ZNF107: variants seen among roughly 807,000 people sequenced by gnomAD.
ZNF107 encodes C2H2 type zinc-finger protein.
Under a neutral mutation model 12.3 loss-of-function variants are expected in ZNF107, and 19 were observed. The ratio of observed to expected loss-of-function variants is 1.55; its 90% CI spans 1.08 to 2.27. ZNF107 has a LOEUF of 2.27. ZNF107 is among the 30% of genes most tolerant of loss of function. ZNF107 has a pLI of 0.00. For synonymous variants in ZNF107, 317 were observed against 330.5 expected (o/e 0.96, Z 0.44); for missense variants, 958 against 979.9 (o/e 0.98, Z 0.30).
intron 1 of ZNF107, among the ~76,000 whole-genome samples, chr7:64,681,445 A>T (rs1416488987): frequency 1.3e-5 from 2 of 151,518 alleles, no homozygotes; most frequent in African/African-American, 2.4e-5. Flanking sequence ...GAGGCATCCT[A>T]ACAAAACTGT....
chr7:64,707,671 C>A lies in ZNF107; in HGVS notation c.1574C>A (p.Thr525Asn). The change falls in exon 4 of 4, where the codon ACT becomes AAT. Residue 525 changes from threonine to asparagine, a missense_variant. Transcript: ENST00000620827. ...GCTTTTAGCCAGTCTTCAAACCTTA[C>A]TGAACATAAGAAAATTCATACTGGA... The part of the protein sequence containing the change: ...DRAFSQSSNL[T>N]EHKKIHTGEK... 1 of 1,612,532 alleles carries A rather than the reference C, an allele frequency of 6.2e-7. No homozygotes were observed.
rs747136604 is a variant in ZNF107, at chr7:64,707,541, A to G, written c.1444A>G (p.Lys482Glu). The G allele has an allele frequency of 1.2e-6, 2 of 1,613,290 alleles. No individual in the cohort carries two copies. Among genetic ancestry groups the G allele is most frequent in the Admixed American group, 1.7e-5 (1 of 59,964 alleles). Residue 482 changes from lysine (K) to glutamate (E), a missense_variant, in exon 4 of 4, where the codon AAA becomes GAA. Coordinates refer to ENST00000620827, the MANE Select transcript of ZNF107 (RefSeq NM_001282359.2). Reference sequence around the variant, plus strand: ...AATTTATTCTGGAGAGAAACCATACAAATGTGAAGAATGTGGAAAAGCTTT... The same window carrying G: ...AATTTATTCTGGAGAGAAACCATACGAATGTGAAGAATGTGGAAAAGCTTT... The part of the protein sequence containing the change: ...RKIYSGEKPY[K>E]CEECGKAFNR...
At position 64,710,180 on chromosome 7, in the gene ZNF107, AC is replaced by A. The variant is rs1790839236; in HGVS notation, c.*1525del. 1 of 157,280 alleles carries A rather than the reference AC, an allele frequency of 6.4e-6. No homozygotes were observed. 9.7% of individuals were successfully genotyped at this position (157,280 alleles called of 1,614,324 possible). A position where few individuals can be genotyped will look rare whatever the true frequency, so the allele number is the denominator to read the frequency against. Reference sequence around the variant, plus strand: ...CATTGTGAGGACAAACAATACAAATACGAAGAGGGTTGTAGTACCTTTACTT... The same window carrying A: ...CATTGTGAGGACAAACAATACAAATAGAAGAGGGTTGTAGTACCTTTACTT... On this transcript the variant is annotated 3_prime_UTR_variant, in exon 4 of 4. Transcript: ENST00000620827.
At position 64,710,395 on chromosome 7, in the gene ZNF107, C is replaced by A. The variant is rs1790846243; in HGVS notation, c.*1739C>A. The A allele has an allele frequency of 6.6e-6, 1 of 151,948 alleles. No individual in the cohort carries two copies. The highest frequency in any genetic ancestry group is 1.5e-5 in the Non-Finnish European group (1 of 67,976). 9.4% of individuals were successfully genotyped at this position (151,948 alleles called of 1,614,324 possible). On this transcript the variant is annotated 3_prime_UTR_variant, in exon 4 of 4. Transcript: ENST00000620827. ...GGCCTCATACTAAAATATATTTTTG[C>A]AAGTGAAGTAAATATAAAAATAATT...
Position 64,708,320 on chromosome 7 carries a change from T to C in ZNF107, c.2223T>C (p.Ala741=), listed in dbSNP as rs570717041. The C allele has an allele frequency of 2.0e-5, 32 of 1,613,158 alleles. 1 individual carries two copies. The African/African-American group carries it at 3.3e-4, about 17-fold the overall frequency. The stretch of plus-strand genomic sequence containing the variant: ...ACAAATGTAAAGAATGTGGCAAAGC[T>C]TTTAACCTATCCTCAACCCTTACTG... ...KPYKCKECGK[A]FNLSSTLTAH... Residue 741 remains alanine, a synonymous_variant, in exon 4 of 4, where the codon GCT becomes GCC. Coordinates refer to ENST00000620827, the MANE Select transcript of ZNF107 (RefSeq NM_001282359.2).
chr7:64,678,236 G>C (rs991120566), intron 1 of ZNF107, among the ~76,000 whole-genome samples: 1 of 152,174 alleles, frequency 6.6e-6, no homozygotes, highest in African/African-American at 2.4e-5. Flanking sequence ...GCACACAAAA[G>C]TTGAGCACAA....
At position 64,691,324 on chromosome 7, in the gene ZNF107, A is replaced by G; in HGVS notation, c.80A>G (p.Asp27Gly). ...EWQCLDTAQR[D>G]LYRNVLLENY... ...CAATGCCTGGATACTGCACAGCGGG[A>G]TTTATATAGGAATGTGTTGTTAGAG... Residue 27 changes from aspartate to glycine, a missense_variant, in exon 2 of 4, where the codon GAT becomes GGT. Physicochemically the swap from Asp to Gly is moderately conservative, Grantham distance 94 (BLOSUM62 -1). Transcript: ENST00000620827. 2 of 1,542,744 alleles carry G rather than the reference A, an allele frequency of 1.3e-6. No homozygotes were observed. Among genetic ancestry groups the G allele is most frequent in the Admixed American group, 2.0e-5 (1 of 50,416 alleles).
chr7:64,686,009 T>C (rs1463789175), intron 1 of ZNF107, among the ~76,000 whole-genome samples: 1 of 152,122 alleles, frequency 6.6e-6, no homozygotes, highest in Non-Finnish European at 1.5e-5. Context: ...TCAAAGGATC[T>C]CTCAGACAGC....
intron 3 of ZNF107, among the ~76,000 whole-genome samples, chr7:64,693,707 T>C (rs1287323103): frequency 1.3e-5 from 2 of 152,198 alleles, no homozygotes; most frequent in African/African-American, 4.8e-5. Flanking sequence ...GGTCTGCATA[T>C]GGTAGGCCTT....
At chr7:64,691,200 G>A in intron 1 of ZNF107, 48 bp from the exon 2 acceptor site, 1 of 1,364,102 alleles carries the variant, frequency 7.3e-7, no homozygotes, top group Non-Finnish European at 9.5e-7. Context: ...AAAATTCAAT[G>A]ACAGCTTATG....
At position 64,707,267 on chromosome 7, in the gene ZNF107, T is replaced by C; in HGVS notation, c.1170T>C (p.Ile390=). 6.2e-7 allele frequency: 1 copy of C among 1,613,158 alleles called. No homozygotes were observed. Among genetic ancestry groups the C allele is most frequent in the Non-Finnish European group, 8.5e-7 (1 of 1,179,706 alleles). ...TAAAACTTACTGCACATAAGAAAAT[T>C]CTAATGGAAGAGAAACCCTACAAAT... ...RSLKLTAHKK[I]LMEEKPYKCE... is the part of the protein sequence containing the mutation. Residue 390 remains isoleucine, a synonymous_variant, in exon 4 of 4, where the codon ATT becomes ATC. Transcript: ENST00000620827.
intron 3 of ZNF107, among the ~76,000 whole-genome samples, chr7:64,698,806 TTTG>T (rs1269893009): frequency 3.0e-4 from 45 of 152,302 alleles, no homozygotes; most frequent in Admixed American, 1.2e-3. Flanking sequence ...TTCTAAGAGA[TTTG>T]TTATTTTTTA....
intron 3 of ZNF107, among the ~76,000 whole-genome samples, chr7:64,696,803 A>T (rs1790303324): frequency 6.6e-6 from 1 of 151,882 alleles, no homozygotes; most frequent in Admixed American, 6.6e-5. Flanking sequence ...ATGTGACAAG[A>T]TTTATTTATT....
rs1190492480 is a variant in ZNF107, at chr7:64,711,423, A to G, written c.*2767A>G. 1 of 152,174 alleles carries G rather than the reference A, an allele frequency of 6.6e-6. No homozygotes were observed. The highest frequency in any genetic ancestry group is 6.5e-5 in the Admixed American group (1 of 15,278). 9.4% of individuals were successfully genotyped at this position (152,174 alleles called of 1,614,324 possible). On this transcript the variant is annotated 3_prime_UTR_variant, in exon 4 of 4. Transcript: ENST00000620827. ...AAAAGATGTATCCATCAACTCCAGC[A>G]TTTCTCCTTTGTATTACAAACCAAT...
At chr7:64,699,056 C>T (rs1790386032) in intron 3 of ZNF107, among the ~76,000 whole-genome samples, 1 of 151,930 alleles carries the variant, frequency 6.6e-6, no homozygotes, top group African/African-American at 2.4e-5. Flanking sequence ...TGTGTCAGTA[C>T]CACATTGTTT....
intron 1 of ZNF107, among the ~76,000 whole-genome samples, chr7:64,666,882 G>A (rs1282072148): frequency 6.9e-6 from 1 of 144,410 alleles, no homozygotes; most frequent in Non-Finnish European, 1.5e-5. Context: ...TAATTGGTTA[G>A]GTAGAGTTAC....
chr7:64,707,085 A>T lies in ZNF107; in HGVS notation c.988A>T (p.Asn330Tyr). ...TTTTAACCTATTCTCAAATCTTACT[A>T]ACCATAAGAGAATTCATGCTGGGGA... The part of the protein sequence containing the change: ...KAFNLFSNLT[N>Y]HKRIHAGEKP... Residue 330 changes from asparagine to tyrosine, a missense_variant, in exon 4 of 4, where the codon AAC (asparagine) becomes TAC (tyrosine). Asn to Tyr is a moderately radical substitution (Grantham distance 143). Transcript: ENST00000620827. 6.2e-7 allele frequency: 1 copy of T among 1,611,830 alleles called. No homozygotes were observed. The highest frequency in any genetic ancestry group is 8.5e-7 in the Non-Finnish European group (1 of 1,179,348).
chr7:64,697,038 G>T (rs907696927), intron 3 of ZNF107, among the ~76,000 whole-genome samples: 8 of 149,886 alleles, frequency 5.3e-5, no homozygotes, highest in African/African-American at 1.2e-4. Context: ...TCATTGTTCA[G>T]TTCCCACCTA....
rs148922034 is a variant in ZNF107, at chr7:64,692,722, G to GTT, written c.226+764_226+765dup. ...ATTGTAAATTTTTTTTACCTCCTTG[G>GTT]TTTAATTTGTTCTCAAGAATATATT... On this transcript the variant is annotated intron_variant, in intron 3 of 3. Transcript: ENST00000620827. Among the ~76,000 whole-genome samples, 1,321 of 151,692 alleles carry GTT rather than the reference G, an allele frequency of 8.7e-3. 15 individuals are homozygous for GTT. The highest frequency in any genetic ancestry group is 0.03 in the African/African-American group (1,250 of 41,338).
Sources: allele counts gnomAD v4.1 joint callset (sites outside exome capture counted in the v4.1 genomes callset), GRCh38; gene constraint gnomAD v4.1.1; transcripts MANE v1.5; gene names NCBI Gene and HGNC (gene_info 2026-07-23, HGNC 2026-07-21).